PIK3CG: variants seen among roughly 807,000 people sequenced by gnomAD.
PIK3CG encodes the protein phosphatidylinositol-4,5-bisphosphate 3-kinase catalytic subunit gamma.
In PIK3CG, 55 loss-of-function variants were observed where a neutral mutation model predicts 102.3. The observed-to-expected ratio is 0.54, with a 90% CI of 0.43 to 0.67. The LOEUF (loss-of-function observed/expected upper bound fraction) is 0.67. Among genes scored for constraint, PIK3CG ranks in the 30% least tolerant of loss-of-function variants. The pLI is 0.00. For synonymous variants in PIK3CG, 552 were observed against 540.0 expected, an observed-to-expected ratio of 1.02 and a Z score of -0.31; for missense variants, 1,258 against 1,391.8, an observed-to-expected ratio of 0.90 and a Z score of 1.53.
At chr7:106,904,393 A>G (rs1215363418) in intron 10 of PIK3CG, among the ~76,000 whole-genome samples, 2 of 152,294 alleles carry the variant, frequency 1.3e-5, no homozygotes, top group African/African-American at 4.8e-5. Context: ...CTCATGTTGT[A>G]AAATTGAGAC....
chr7:106,873,085 G>C (rs1790595919), intron 4 of PIK3CG, 147 bp downstream of exon 4: 3 of 616,874 alleles, frequency 4.9e-6, no homozygotes, highest in Non-Finnish European at 5.8e-6. Context: ...TGTCTGCATG[G>C]AGTAAACAAA....
Position 106,906,166 on chromosome 7 carries a change from C to T in PIK3CG, c.*779C>T, listed in dbSNP as rs1008960561. ...ACTACAGGGCCTCTTTTATGCCTGA[C>T]ATTTCTTCCCTTCCTTTTTCCCTGC... On this transcript the variant is annotated 3_prime_UTR_variant, in exon 11 of 11. Transcript: ENST00000496166. 1.6e-4 allele frequency: 37 copies of T among 228,768 alleles called. No homozygotes were observed. The highest frequency in any genetic ancestry group is 1.8e-4 in the South Asian group (1 of 5,428). 14.2% of individuals were successfully genotyped at this position (228,768 alleles called of 1,614,324 possible). A position where few individuals can be genotyped will look rare whatever the true frequency, so the allele number is the denominator to read the frequency against.
chr7:106,891,065 C>T lies in PIK3CG; in HGVS notation c.3030+4773C>T, dbSNP rs1791250765. 1.3e-5 allele frequency among the ~76,000 whole-genome samples: 2 copies of T among 152,228 alleles called. No homozygotes were observed. Among genetic ancestry groups the T allele is most frequent in the Admixed American group, 1.3e-4 (2 of 15,288 alleles). ...TGGTTTTCTGTTTGTCTTTCCCTAT[C>T]CCAACTGTGAGCTCTGTGCAGCAGG... On this transcript the variant is annotated intron_variant, in intron 10 of 10. Transcript: ENST00000496166. This position sits in a 1 kb window ranked among gnomAD's most constrained non-coding sequence, Gnocchi z 4.4.
chr7:106,886,015 CA>C, intron 9 of PIK3CG, 119 bp from the exon 10 acceptor site: 1 of 866,994 alleles, frequency 1.2e-6, no homozygotes, highest in Non-Finnish European at 1.8e-6. Context: ...CACAAACTGA[CA>C]AACATTGTAA....
chr7:106,887,719 T>G (rs1584338718), intron 10 of PIK3CG, among the ~76,000 whole-genome samples: 1 of 152,012 alleles, frequency 6.6e-6, no homozygotes, highest in Non-Finnish European at 1.5e-5. Flanking sequence ...AAAAATCACA[T>G]GTTTTGACAA....
At chr7:106,866,180 A>T (rs1790275744) in intron 1 of PIK3CG, among the ~76,000 whole-genome samples, 1 of 152,250 alleles carries the variant, frequency 6.6e-6, no homozygotes, top group Admixed American at 6.5e-5. Context: ...TTAAGGAAAT[A>T]ATGTAGTTTT....
chr7:106,876,839 A>C (rs1310234393), intron 5 of PIK3CG, among the ~76,000 whole-genome samples: 5 of 152,226 alleles, frequency 3.3e-5, no homozygotes, highest in African/African-American at 1.2e-4. Flanking sequence ...AGAAGCTTTA[A>C]ATTTTGATTA....
In PIK3CG at chr7:106,874,781, G is replaced by A. The variant is rs139231934; in HGVS notation, c.2369G>A (p.Gly790Glu). 1 of 1,612,826 alleles carries A rather than the reference G, an allele frequency of 6.2e-7. No individual in the cohort carries two copies. The highest frequency in any genetic ancestry group is 8.5e-7 in the Non-Finnish European group (1 of 1,178,948). ...AGCTTTAGAGTTCCATATGATCCTG[G>A]ACTGAAAGCAGGAGCGCTGGCAGTA... is the stretch of plus-strand genomic sequence containing the variant. ...PESFRVPYDP[G>E]LKAGALAIEK... Residue 790 changes from glycine to glutamate, a missense_variant, in exon 5 of 11, where the codon GGA becomes GAA. Gly to Glu is a moderately conservative substitution (Grantham distance 98). Coordinates refer to ENST00000496166, the MANE Select transcript of PIK3CG (RefSeq NM_001282426.2). This position sits in a 1 kb window ranked among gnomAD's most constrained non-coding sequence, Gnocchi z 4.3.
Position 106,884,366 on chromosome 7 carries a change from G to A in PIK3CG, c.2872+100G>A. The A allele has an allele frequency of 1.3e-6, 1 of 764,014 alleles. No individual in the cohort carries two copies. Among genetic ancestry groups the A allele is most frequent in the Non-Finnish European group, 2.2e-6 (1 of 459,236 alleles). 47.3% of individuals were successfully genotyped at this position (764,014 alleles called of 1,614,324 possible). A position where few individuals can be genotyped will look rare whatever the true frequency, so the allele number is the denominator to read the frequency against. On this transcript the variant is annotated intron_variant, in intron 9 of 10. Transcript: ENST00000496166. This position sits in a 1 kb window ranked among gnomAD's most constrained non-coding sequence, Gnocchi z 4.2. The stretch of plus-strand genomic sequence containing the variant: ...TAATTAACTGTAAGTGTTCAGTTCA[G>A]TGGCATTACATATGTTCACCTTGTT...
rs62001903 is a variant in PIK3CG at position 106,868,633 on chromosome 7, G to A, written c.1072G>A (p.Asp358Asn). The change falls in exon 2 of 11, where the codon GAC becomes AAC. Residue 358 changes from aspartate (D) to asparagine (N), a missense_variant. By Grantham distance (23) the Asp-to-Asn change is conservative. Around this residue, in one of 2 missense-constraint regions of PIK3CG, gnomAD observed 832 missense variants for 787.5 expected, o/e 1.06. Transcript: ENST00000496166. This position sits in a 1 kb window ranked among gnomAD's most constrained non-coding sequence, Gnocchi z 6.2. ...GTTCACCGTGTCCCTGTGGGACTGC[G>A]ACCGCAAGTTCAGGGTCAAGATCAG... ...SVFTVSLWDCDRKFRVKIRGI... is the reference protein window; with the variant it reads ...SVFTVSLWDCNRKFRVKIRGI... 26 of 1,614,052 alleles carry A rather than the reference G, an allele frequency of 1.6e-5. No individual in the cohort carries two copies. The highest frequency in any genetic ancestry group is 3.3e-4 in the Middle Eastern group (2 of 6,082).
intron 10 of PIK3CG, among the ~76,000 whole-genome samples, chr7:106,896,783 C>T (rs28502130): frequency 0.059 from 9,023 of 152,056 alleles, 624 homozygotes; most frequent in East Asian, 0.32. Flanking sequence ...CCATGCTGGG[C>T]GCTTTATGTA....
At position 106,879,704 on chromosome 7, in the gene PIK3CG, C is replaced by A. The variant is rs200767793; in HGVS notation, c.2538+39C>A. The A allele has an allele frequency of 6.7e-7, 1 of 1,498,066 alleles. No individual in the cohort carries two copies. Among genetic ancestry groups the A allele is most frequent in the Non-Finnish European group, 9.3e-7 (1 of 1,078,676 alleles). The allele number at this position is 1,498,066 out of a possible 1,614,324, so 92.8% of individuals were successfully genotyped here. On this transcript the variant is annotated intron_variant, in intron 6 of 10. Transcript: ENST00000496166. The surrounding 1 kb of genome is among the most constrained non-coding windows in gnomAD (Gnocchi z 4.9). ...AAGATTGTTTTCAATTATCTGAAAA[C>A]AATTCTATATTACATCAAAAACATG... is the stretch of plus-strand genomic sequence containing the variant.
chr7:106,897,583 C>G lies in PIK3CG; in HGVS notation c.3031-7526C>G, dbSNP rs1206426411. On this transcript the variant is annotated intron_variant, in intron 10 of 10. Transcript: ENST00000496166. This position sits in a 1 kb window ranked among gnomAD's most constrained non-coding sequence, Gnocchi z 4.6. ...TGTCTGTTGTTTCCTTCCTTGTGTT[C>G]ATAAGTTCTTATCATTTAGCTCCCA... Among the ~76,000 whole-genome samples the G allele has an allele frequency of 1.3e-5, 2 of 152,138 alleles. No individual in the cohort carries two copies. Among genetic ancestry groups the G allele is most frequent in the Admixed American group, 1.3e-4 (2 of 15,270 alleles).
In PIK3CG at chr7:106,890,258, T is replaced by C. The variant is rs899219286; in HGVS notation, c.3030+3966T>C. On this transcript the variant is annotated intron_variant, in intron 10 of 10. Transcript: ENST00000496166. The surrounding 1 kb of genome is among the most constrained non-coding windows in gnomAD (Gnocchi z 4.2). ...ATGCAGTGGTGTGATCTCGGCTCACTGCAACCTCTGCCTCCTGGGTTCACA... is the reference window on the plus strand; with the variant it reads ...ATGCAGTGGTGTGATCTCGGCTCACCGCAACCTCTGCCTCCTGGGTTCACA... Among the ~76,000 whole-genome samples the C allele has an allele frequency of 3.3e-5, 5 of 151,940 alleles. No homozygotes were observed. The highest frequency in any genetic ancestry group is 4.2e-4 in the South Asian group (2 of 4,802).
chr7:106,882,940 C>A (rs2116542211), intron 7 of PIK3CG, 93 bp from the exon 8 acceptor site: 1 of 892,216 alleles, frequency 1.1e-6, no homozygotes, highest in South Asian at 2.1e-5. Flanking sequence ...AAAAAAAACC[C>A]TCTGCCCTTC....
At chr7:106,865,843 T>C (rs1420016457) in intron 1 of PIK3CG, 2 of 152,222 alleles carry the variant, frequency 1.3e-5, no homozygotes, top group Non-Finnish European at 2.9e-5. Context: ...GAGGCAGAAG[T>C]TATTGCTGTG....
rs1790995825 is a variant in PIK3CG at position 106,883,242 on chromosome 7, G to A, written c.2760+79G>A. On this transcript the variant is annotated intron_variant, in intron 8 of 10. Coordinates refer to ENST00000496166, the MANE Select transcript of PIK3CG (RefSeq NM_001282426.2). The surrounding 1 kb of genome is among the most constrained non-coding windows in gnomAD (Gnocchi z 5.8). ...TAGCAGTAGTGGCTTCAAGTTTTCA[G>A]AGAATCTGCCAGTGTCTTGCCTCCT... 6.8e-7 allele frequency: 1 copy of A among 1,462,750 alleles called. No individual in the cohort carries two copies. Among genetic ancestry groups the A allele is most frequent in the South Asian group, 1.2e-5 (1 of 85,086 alleles). 90.6% of individuals were successfully genotyped at this position (1,462,750 alleles called of 1,614,324 possible). A position where few individuals can be genotyped will look rare whatever the true frequency, so the allele number is the denominator to read the frequency against.
At position 106,902,605 on chromosome 7, in the gene PIK3CG, T is replaced by A. The variant is rs186366659; in HGVS notation, c.3031-2504T>A. ...CCATCTCATTTTAAGTTACTTTTTT[T>A]AATATTAATGAAGTTGCATTTTTTT... On this transcript the variant is annotated intron_variant, in intron 10 of 10. Transcript: ENST00000496166. The surrounding 1 kb of genome is among the most constrained non-coding windows in gnomAD (Gnocchi z 4.3). Among the ~76,000 whole-genome samples the A allele has an allele frequency of 1.3e-5, 2 of 152,246 alleles. No individual in the cohort carries two copies. The highest frequency in any genetic ancestry group is 6.5e-5 in the Admixed American group (1 of 15,296).
rs770029675 is a variant in PIK3CG at position 106,879,507 on chromosome 7, G to T, written c.2392-12G>T. 16 of 1,610,360 alleles carry T rather than the reference G, an allele frequency of 9.9e-6. No homozygotes were observed. The highest frequency in any genetic ancestry group is 8.8e-5 in the South Asian group (8 of 90,938). Reference sequence around the variant, plus strand: ...CATTGTGTGTGGGGAATATGTGACTGCTTCCTTACAGATTGAAAAATGTAA... The same window carrying T: ...CATTGTGTGTGGGGAATATGTGACTTCTTCCTTACAGATTGAAAAATGTAA... On this transcript the variant is annotated splice_polypyrimidine_tract_variant and intron_variant, in intron 5 of 10. Coordinates refer to ENST00000496166, the MANE Select transcript of PIK3CG (RefSeq NM_001282426.2). The surrounding 1 kb of genome is among the most constrained non-coding windows in gnomAD (Gnocchi z 4.9).
Sources: gnomAD v4.1 joint callset for allele counts (sites outside exome capture counted in the v4.1 genomes callset) on GRCh38, gnomAD v4.1.1 for gene constraint, gnomAD v4.1.1 regional missense constraint, Gnocchi (gnomAD v3.1) non-coding constraint, MANE v1.5 for transcripts, NCBI Gene and HGNC (gene_info 2026-07-23, HGNC 2026-07-21) for gene names.